ST6GALNAC3: variants seen among roughly 807,000 people sequenced by gnomAD.
ST6GALNAC3 encodes alpha-N-acetylgalactosaminide alpha-2,6-sialyltransferase 3.
In ST6GALNAC3, 25 loss-of-function variants were observed where a neutral mutation model predicts 32.7. The observed-to-expected ratio is 0.76, with a 90% CI of 0.56 to 1.07. The LOEUF (loss-of-function observed/expected upper bound fraction) is 1.07. Ranked by LOEUF, ST6GALNAC3 falls within the 50% of genes least tolerant of loss-of-function variation. ST6GALNAC3 has a pLI of 0.00. For synonymous variants in ST6GALNAC3, 129 were observed against 133.1 expected, an observed-to-expected ratio of 0.97 and a Z score of 0.21; for missense variants, 355 against 382.4, an observed-to-expected ratio of 0.93 and a Z score of 0.60.
intron 1 of ST6GALNAC3, among the ~76,000 whole-genome samples, chr1:76,291,807 A>G (rs889240524): frequency 6.6e-6 from 1 of 152,252 alleles, no homozygotes; most frequent in African/African-American, 2.4e-5. Context: ...AAAATGAAAA[A>G]TGATCTGCTG....
At chr1:76,244,617 G>A (rs139987804) in intron 1 of ST6GALNAC3, among the ~76,000 whole-genome samples, 11 of 152,136 alleles carry the variant, frequency 7.2e-5, no homozygotes, top group South Asian at 2.1e-4. Flanking sequence ...GATACGTTCC[G>A]TCAATACCTA....
chr1:76,326,281 A>T (rs1028070989), intron 2 of ST6GALNAC3, among the ~76,000 whole-genome samples: 3 of 152,158 alleles, frequency 2.0e-5, no homozygotes, highest in Non-Finnish European at 4.4e-5. Flanking sequence ...TGGTGGCCTC[A>T]CATCTGTTAA....
At chr1:76,503,879 A>G (rs1661323645) in intron 3 of ST6GALNAC3, among the ~76,000 whole-genome samples, 1 of 152,182 alleles carries the variant, frequency 6.6e-6, no homozygotes, top group African/African-American at 2.4e-5. Flanking sequence ...GCATCCTCAC[A>G]GTTCCCTATC....
intron 3 of ST6GALNAC3, among the ~76,000 whole-genome samples, chr1:76,490,871 T>A (rs1326028107): frequency 6.6e-6 from 1 of 151,938 alleles, no homozygotes; most frequent in Non-Finnish European, 1.5e-5. Context: ...TTTTTGTTTT[T>A]TTTTGAGACA....
chr1:76,295,515 C>T (rs1013220560), intron 1 of ST6GALNAC3, among the ~76,000 whole-genome samples: 1 of 151,954 alleles, frequency 6.6e-6, no homozygotes, highest in Non-Finnish European at 1.5e-5. Context: ...GGAATAAAAT[C>T]GACATTTATT....
intron 1 of ST6GALNAC3, among the ~76,000 whole-genome samples, chr1:76,306,686 CGG>C (rs1326173362): frequency 0.045 from 617 of 13,850 alleles, 6 homozygotes; most frequent in Non-Finnish European, 0.12. Flanking sequence ...TTTTGGGGGG[CGG>C]GGGGTGCAGA....
At chr1:76,145,316 C>G (rs755458935) in intron 1 of ST6GALNAC3, among the ~76,000 whole-genome samples, 21 of 152,328 alleles carry the variant, frequency 1.4e-4, no homozygotes, top group Non-Finnish European at 2.8e-4. Context: ...TTCACCCAGT[C>G]TATTTCATCC....
intron 3 of ST6GALNAC3, among the ~76,000 whole-genome samples, chr1:76,591,066 GA>G (rs1290876883): frequency 6.6e-6 from 1 of 152,156 alleles, no homozygotes; most frequent in African/African-American, 2.4e-5. Context: ...GATGCTCTAA[GA>G]ATACATGACA....
At chr1:76,468,703 A>C (rs373716460) in intron 3 of ST6GALNAC3, among the ~76,000 whole-genome samples, 1 of 152,026 alleles carries the variant, frequency 6.6e-6, no homozygotes, top group Admixed American at 6.6e-5. Context: ...CATTATCTCA[A>C]TTGAGGCTAA....
At chr1:76,416,415 C>T (rs1654627254) in intron 3 of ST6GALNAC3, among the ~76,000 whole-genome samples, 1 of 151,964 alleles carries the variant, frequency 6.6e-6, no homozygotes, top group African/African-American at 2.4e-5. Flanking sequence ...AACAGAGAGA[C>T]AATGTCATCA....
chr1:76,387,902 T>TAACA (rs1383588838), intron 2 of ST6GALNAC3, among the ~76,000 whole-genome samples: 1 of 152,098 alleles, frequency 6.6e-6, no homozygotes, highest in East Asian at 1.9e-4. Flanking sequence ...AAAAAATCTT[T>TAACA]AACAAACAAA....
chr1:76,079,527 G>T lies in ST6GALNAC3; in HGVS notation c.18+4643G>T, dbSNP rs978168877. Among the ~76,000 whole-genome samples, 3 of 152,130 alleles carry T rather than the reference G, an allele frequency of 2.0e-5. No homozygotes were observed. The East Asian group carries it at 5.8e-4, about 29-fold the overall frequency. The stretch of plus-strand genomic sequence containing the variant: ...CACAAGATCCTTGAGAATCATTTCT[G>T]CCTTCGAGAAGATTATGGTTTTGCC... On this transcript the variant is annotated intron_variant, in intron 1 of 4. Coordinates refer to ENST00000328299, the MANE Select transcript of ST6GALNAC3 (RefSeq NM_152996.4).
chr1:76,327,742 A>G (rs1647105702), intron 2 of ST6GALNAC3, among the ~76,000 whole-genome samples: 1 of 151,908 alleles, frequency 6.6e-6, no homozygotes, highest in Non-Finnish European at 1.5e-5. Flanking sequence ...GGCACCTACC[A>G]CCATGCCTGG....
intron 3 of ST6GALNAC3, among the ~76,000 whole-genome samples, chr1:76,412,795 T>C (rs1041718398): frequency 1.3e-5 from 2 of 152,106 alleles, no homozygotes; most frequent in South Asian, 2.1e-4. Flanking sequence ...TAATCTAAAC[T>C]CCTCTGGGAA....
chr1:76,365,736 A>G (rs1247946193), intron 2 of ST6GALNAC3, among the ~76,000 whole-genome samples: 3 of 152,196 alleles, frequency 2.0e-5, no homozygotes, highest in Non-Finnish European at 4.4e-5. Context: ...AATGACAAGC[A>G]TGGCCTTTCA....
intron 1 of ST6GALNAC3, among the ~76,000 whole-genome samples, chr1:76,178,729 A>G (rs549862153): frequency 6.6e-6 from 1 of 152,352 alleles, no homozygotes; most frequent in South Asian, 2.1e-4. Flanking sequence ...AAATATGATC[A>G]TCTGAGAAAG....
intron 3 of ST6GALNAC3, among the ~76,000 whole-genome samples, chr1:76,502,091 T>C (rs1462818707): frequency 6.6e-6 from 1 of 152,166 alleles, no homozygotes; most frequent in Non-Finnish European, 1.5e-5. Context: ...AAAAATATCT[T>C]TCTCAGAGCC....
At chr1:76,257,477 G>A (rs1657985383) in intron 1 of ST6GALNAC3, among the ~76,000 whole-genome samples, 1 of 152,104 alleles carries the variant, frequency 6.6e-6, no homozygotes, top group African/African-American at 2.4e-5. Flanking sequence ...TTTTTAAAAA[G>A]CACCATGGCC....
intron 1 of ST6GALNAC3, among the ~76,000 whole-genome samples, chr1:76,258,213 T>C (rs1658026007): frequency 6.6e-6 from 1 of 152,206 alleles, no homozygotes; most frequent in Non-Finnish European, 1.5e-5. Flanking sequence ...TATGGTGAAA[T>C]TCAATTGTAA....
Sources: allele counts gnomAD v4.1 joint callset (sites outside exome capture counted in the v4.1 genomes callset), GRCh38; gene constraint gnomAD v4.1.1; transcripts MANE v1.5; gene names NCBI Gene and HGNC (gene_info 2026-07-23, HGNC 2026-07-21).